Variants in MTMR10 observed in about 807,000 individuals in gnomAD.
MTMR10 encodes myotubularin-related protein 10.
MTMR10 carries 56 observed loss-of-function variants against 88.1 expected under a neutral mutation model. That is an observed-to-expected ratio of 0.64 (90% CI 0.51 to 0.79). The LOEUF (loss-of-function observed/expected upper bound fraction) is 0.79, where lower values mean the gene tolerates loss of function less well. Among genes scored for constraint, MTMR10 ranks in the 30% least tolerant of loss-of-function variants. The pLI is 0.00. For missense variants in MTMR10, 883 were observed against 924.7 expected, an observed-to-expected ratio of 0.95 and a Z score of 0.58; for synonymous variants, 380 against 340.9, an observed-to-expected ratio of 1.11 and a Z score of -1.26.
chr15:30,929,175 A>T, the MTMR10 span: 1 of 1,605,292 alleles, frequency 6.2e-7, no homozygotes, highest in Non-Finnish European at 8.5e-7. Flanking sequence ...CAGGCACAGT[A>T]TGACAGCTTG....
At chr15:30,942,374 G>T in intron 15 of MTMR10, 1 of 440,360 alleles carries the variant, frequency 2.3e-6, no homozygotes, top group Non-Finnish European at 4.0e-6. Flanking sequence ...CACTAGACCT[G>T]GCCGATTCTA....
chr15:30,952,305 C>T (rs761740149), intron 11 of MTMR10, among the ~76,000 whole-genome samples: 2 of 152,212 alleles, frequency 1.3e-5, no homozygotes, highest in Non-Finnish European at 2.9e-5. Context: ...ACATAGCTTT[C>T]GCATTACCGT....
intron 7 of MTMR10, 133 bp downstream of exon 7, chr15:30,960,748 T>C (rs1249931902): frequency 8.5e-7 from 1 of 1,178,938 alleles, no homozygotes; most frequent in East Asian, 2.9e-5. Context: ...AAATAAAATA[T>C]TTATTAAAAC....
chr15:30,985,771 A>ACATTAGT (rs2030902319), intron 2 of MTMR10, among the ~76,000 whole-genome samples: 1 of 152,218 alleles, frequency 6.6e-6, no homozygotes, highest in African/African-American at 2.4e-5. Context: ...ACTTCAACAC[A>ACATTAGT]CATTAGTGCA....
Position 30,967,963 on chromosome 15 carries a change from T to C in MTMR10, c.522A>G (p.Leu174=). 1 of 1,573,470 alleles carries C rather than the reference T, an allele frequency of 6.4e-7. No homozygotes were observed. Among genetic ancestry groups the C allele is most frequent in the South Asian group, 1.2e-5 (1 of 85,316 alleles). The change falls in exon 6 of 16, where the codon CTA becomes CTG. Residue 174 remains leucine (L), a synonymous_variant. Coordinates refer to ENST00000435680, the MANE Select transcript of MTMR10 (RefSeq NM_017762.3). The stretch of plus-strand genomic sequence containing the variant: ...TCCCAACATATTCAAATGCAAAGAG[T>C]AGCTGGAGGTCTGTTGGCTGGGAAT... ...AHYSQPTDLQ[L]LFAFEYVGKK...
chr15:30,927,055 T>G, the MTMR10 span: 3 of 979,922 alleles, frequency 3.1e-6, no homozygotes, highest in Non-Finnish European at 3.6e-6. Flanking sequence ...CTTACACTTG[T>G]AATCCCAGCA....
chr15:30,972,602 G>T (rs996093860), intron 5 of MTMR10, among the ~76,000 whole-genome samples: 5 of 152,052 alleles, frequency 3.3e-5, no homozygotes, highest in African/African-American at 1.2e-4. Flanking sequence ...CACTTATTAT[G>T]CTCTGTTCAT....
At chr15:30,946,477 G>C (rs1324443103) in intron 14 of MTMR10, 3 of 427,974 alleles carry the variant, frequency 7.0e-6, no homozygotes, top group African/African-American at 4.0e-5. Flanking sequence ...GCCTAGCCCA[G>C]GGCCTTACGG....
At chr15:30,949,624 TAA>T (rs1419197758) in intron 12 of MTMR10, 3 of 152,088 alleles carry the variant, frequency 2.0e-5, no homozygotes, top group East Asian at 1.9e-4. Context: ...AAAATAAATA[TAA>T]GACTTACATA....
At chr15:30,948,126 A>G (rs1024395885) in intron 13 of MTMR10, among the ~76,000 whole-genome samples, 176 bp downstream of exon 13, 2 of 152,246 alleles carry the variant, frequency 1.3e-5, no homozygotes, top group Non-Finnish European at 2.9e-5. Flanking sequence ...CATAGTTACG[A>G]TAATCTTTAT....
rs2063030607 is a variant in MTMR10 at position 30,941,060 on chromosome 15, C to T, written c.*410G>A. ...AAAATACATGAATACTTCCTAAAAC[C>T]TGCTGGAGGTTTTATCAGATGCTCC... On this transcript the variant is annotated 3_prime_UTR_variant, in exon 16 of 16. Coordinates refer to ENST00000435680, the MANE Select transcript of MTMR10 (RefSeq NM_017762.3). 2 of 1,191,970 alleles carry T rather than the reference C, an allele frequency of 1.7e-6. No homozygotes were observed. Among genetic ancestry groups the T allele is most frequent in the Admixed American group, 3.8e-5 (1 of 26,366 alleles). 73.8% of individuals were successfully genotyped at this position (1,191,970 alleles called of 1,614,324 possible).
At chr15:30,937,673 C>T (rs1194666158), downstream of MTMR10, among the ~76,000 whole-genome samples, 2 of 151,380 alleles carry the variant, frequency 1.3e-5, no homozygotes, top group Non-Finnish European at 2.9e-5. Context: ...CCAGGTTGGT[C>T]TGGAACTTCT....
At chr15:30,977,098 T>C (rs1039729638) in intron 2 of MTMR10, 143 bp from the exon 3 acceptor site, 3 of 758,402 alleles carry the variant, frequency 4.0e-6, no homozygotes, top group African/African-American at 3.5e-5. Context: ...CCAGGCACTG[T>C]ATGGTCATAA....
At chr15:30,927,539 T>G in the MTMR10 span, 597,861 of 985,352 alleles carry the variant, frequency 0.61, 182,912 homozygotes, top group East Asian at 0.98. Flanking sequence ...GGCTGTGGCT[T>G]CCTGCCCTCT....
chr15:30,942,276 T>A, intron 15 of MTMR10: 1 of 657,808 alleles, frequency 1.5e-6, no homozygotes, highest in Non-Finnish European at 2.5e-6. Context: ...ACCTAGGCTG[T>A]TACTATCAGC....
chr15:30,965,476 A>C (rs996078511), intron 6 of MTMR10, among the ~76,000 whole-genome samples: 6 of 152,208 alleles, frequency 3.9e-5, no homozygotes, highest in South Asian at 4.1e-4. Context: ...ATAATCTGAC[A>C]TCTTATCAAT....
intron 6 of MTMR10, among the ~76,000 whole-genome samples, chr15:30,965,400 G>A (rs145162102): frequency 0.013 from 1,935 of 152,356 alleles, 22 homozygotes; most frequent in Non-Finnish European, 0.021. Flanking sequence ...TGTCTGTCAT[G>A]AAGCAGTTGC....
At position 30,940,168 on chromosome 15, in the gene MTMR10, C is replaced by T. The variant is rs893931424; in HGVS notation, c.*1302G>A. The T allele has an allele frequency of 9.1e-6, 9 of 985,230 alleles. No homozygotes were observed. Among genetic ancestry groups the T allele is most frequent in the South Asian group, 4.7e-5 (1 of 21,284 alleles). The allele number at this position is 985,230 out of a possible 1,614,324, so 61.0% of individuals were successfully genotyped here. A position where few individuals can be genotyped will look rare whatever the true frequency, so the allele number is the denominator to read the frequency against. Reference sequence around the variant, plus strand: ...AATTTGAAAGTATCCATGTTTTAAGCGGGGAATGAGGAGTGTGGGGGAGGT... The same window carrying T: ...AATTTGAAAGTATCCATGTTTTAAGTGGGGAATGAGGAGTGTGGGGGAGGT... On this transcript the variant is annotated 3_prime_UTR_variant, in exon 16 of 16. Coordinates refer to ENST00000435680, the MANE Select transcript of MTMR10 (RefSeq NM_017762.3).
At chr15:30,948,610 T>C (rs1341260975) in intron 12 of MTMR10, 139 bp from the exon 13 acceptor site, 3 of 760,266 alleles carry the variant, frequency 3.9e-6, no homozygotes, top group Non-Finnish European at 6.3e-6. Flanking sequence ...TTTTACTGGA[T>C]TCCAGCAACT....
Sources: gnomAD v4.1 joint callset for allele counts (sites outside exome capture counted in the v4.1 genomes callset) on GRCh38, gnomAD v4.1.1 for gene constraint, MANE v1.5 for transcripts, NCBI Gene and HGNC (gene_info 2026-07-23, HGNC 2026-07-21) for gene names.